Variants in SLC9A8 observed in about 807,000 individuals in gnomAD.
The protein encoded by SLC9A8 is solute carrier family 9 member A8.
A neutral mutation model predicts 66.6 loss-of-function variants in SLC9A8; 48 were observed. The observed-to-expected ratio is 0.72, with a 90% confidence interval of 0.57 to 0.92. The LOEUF (loss-of-function observed/expected upper bound fraction) is 0.92. Among genes scored for constraint, SLC9A8 ranks in the 40% least tolerant of loss-of-function variants. The pLI is 0.00. For synonymous variants in SLC9A8, 274 were observed against 282.6 expected (o/e 0.97, Z 0.31); for missense variants, 599 against 747.3 (o/e 0.80, Z 2.31).
intron 3 of SLC9A8, among the ~76,000 whole-genome samples, chr20:49,827,109 T>G (rs1385669941): frequency 6.6e-6 from 1 of 151,638 alleles, no homozygotes; most frequent in Non-Finnish European, 1.5e-5. Flanking sequence ...GCCTGGCTAA[T>G]TTTTGTATTT....
At chr20:49,817,024 A>AGCCAAGTCCAAATTCTTGTTTG (rs2086574510) in intron 2 of SLC9A8, among the ~76,000 whole-genome samples, 2 of 144,426 alleles carry the variant, frequency 1.4e-5, no homozygotes, top group South Asian at 5.2e-4. Context: ...CACCACGCCC[A>AGCCAAGTCCAAATTCTTGTTTG]GCCAAGTCCA....
chr20:49,878,164 AACAGCTACATAGAC>A, intron 12 of SLC9A8, 101 bp downstream of exon 12: 1 of 649,030 alleles, frequency 1.5e-6, no homozygotes, highest in Non-Finnish European at 2.5e-6. Context: ...GTTCAAAGTC[AACAGCTACATAGAC>A]ACTCTTTTGT....
At chr20:49,871,993 C>A (rs2089227292) in intron 10 of SLC9A8, among the ~76,000 whole-genome samples, 1 of 152,214 alleles carries the variant, frequency 6.6e-6, no homozygotes, top group Non-Finnish European at 1.5e-5. Flanking sequence ...CGAGACTGCG[C>A]CTCTAATCCC....
rs572356810 is a variant in SLC9A8 at position 49,839,571 on chromosome 20, T to C, written c.320T>C (p.Ile107Thr). 2.5e-5 allele frequency: 40 copies of C among 1,601,012 alleles called. No homozygotes were observed. Among genetic ancestry groups the C allele is most frequent in the Admixed American group, 2.3e-4 (14 of 59,824 alleles). Residue 107 changes from isoleucine (I) to threonine (T), a missense_variant, in exon 4 of 16, where the codon ATA becomes ACA. By Grantham distance (89) the Ile-to-Thr change is moderately conservative. This residue lies in a region of SLC9A8 where 467 missense variants were observed against 626.5 expected (regional missense o/e 0.75). Coordinates refer to ENST00000361573, the MANE Select transcript of SLC9A8 (RefSeq NM_015266.3). ...GILMGAVIKI[I>T]EFKKLANWKE... ...CTCATGGGAGCAGTTATAAAAATTATAGAGTTTAAAAAACTGGCGAATTGG... is the reference window on the plus strand; with the variant it reads ...CTCATGGGAGCAGTTATAAAAATTACAGAGTTTAAAAAACTGGCGAATTGG...
chr20:49,886,185 C>G lies in SLC9A8; in HGVS notation c.1492-567C>G, dbSNP rs1322766864. Among the ~76,000 whole-genome samples the G allele has an allele frequency of 6.6e-6, 1 of 151,934 alleles. No homozygotes were observed. Among genetic ancestry groups the G allele is most frequent in the African/African-American group, 2.4e-5 (1 of 41,366 alleles). On this transcript the variant is annotated intron_variant, in intron 14 of 15. Coordinates refer to ENST00000361573, the MANE Select transcript of SLC9A8 (RefSeq NM_015266.3). This position sits in a 1 kb window ranked among gnomAD's most constrained non-coding sequence, Gnocchi z 4.8. ...ACTGAGACTCCTCCAGCAGAGCAGG[C>G]GCTGCACTCAGAGCCTGTCTGCTTT...
intron 14 of SLC9A8, among the ~76,000 whole-genome samples, chr20:49,884,488 C>T (rs1032810512): frequency 1.3e-5 from 2 of 152,054 alleles, no homozygotes; most frequent in African/African-American, 2.4e-5. Context: ...CTCCATGGGG[C>T]ACCACAGGAG....
At chr20:49,842,791 T>C (rs1001187084) in intron 4 of SLC9A8, among the ~76,000 whole-genome samples, 1 of 152,232 alleles carries the variant, frequency 6.6e-6, no homozygotes, top group Non-Finnish European at 1.5e-5. Flanking sequence ...AGATTTGTTT[T>C]CTCACAATTC....
At chr20:49,839,317 A>C (rs865811856) in intron 3 of SLC9A8, among the ~76,000 whole-genome samples, 8 of 152,074 alleles carry the variant, frequency 5.3e-5, no homozygotes, top group African/African-American at 1.4e-4. Flanking sequence ...TTCCTCCCCC[A>C]CAGCCTGACT....
At chr20:49,883,490 T>A (rs1244743146) in intron 13 of SLC9A8, among the ~76,000 whole-genome samples, 1 of 152,170 alleles carries the variant, frequency 6.6e-6, no homozygotes, top group Non-Finnish European at 1.5e-5. Context: ...ACTGAGCACC[T>A]GCCCAGGCCT....
chr20:49,865,099 A>G (rs2088906249), intron 10 of SLC9A8, among the ~76,000 whole-genome samples: 1 of 152,212 alleles, frequency 6.6e-6, no homozygotes, highest in Non-Finnish European at 1.5e-5. Flanking sequence ...TTAGCCCATC[A>G]GTCCTGTGAG....
rs777775892 is a variant in SLC9A8 at position 49,880,931 on chromosome 20, T to C, written c.1166T>C (p.Val389Ala). Residue 389 changes from valine to alanine, a missense_variant, in exon 13 of 16, where the codon GTA (valine) becomes GCA (alanine). Around this residue, in one of 2 missense-constraint regions of SLC9A8, gnomAD observed 467 missense variants for 626.5 expected, o/e 0.75. Coordinates refer to ENST00000361573, the MANE Select transcript of SLC9A8 (RefSeq NM_015266.3). Reference sequence around the variant, plus strand: ...GTTTGTTGCTATCAACAGGTGCTTGTACTATTTGGCAGAGCGGTAAACATT... The same window carrying C: ...GTTTGTTGCTATCAACAGGTGCTTGCACTATTTGGCAGAGCGGTAAACATT... ...ISFVIWCIVL[V>A]LFGRAVNIFP... 2.5e-6 allele frequency: 4 copies of C among 1,610,914 alleles called. No individual in the cohort carries two copies. Among genetic ancestry groups the C allele is most frequent in the Non-Finnish European group, 3.4e-6 (4 of 1,177,088 alleles).
intron 6 of SLC9A8, among the ~76,000 whole-genome samples, chr20:49,850,395 A>G (rs985446369): frequency 1.3e-5 from 2 of 152,234 alleles, no homozygotes; most frequent in Non-Finnish European, 2.9e-5. Context: ...AGGGTCAGGT[A>G]TCTGAGTGAC....
Position 49,887,939 on chromosome 20 carries a change from C to T in SLC9A8, c.*3C>T. 6.2e-7 allele frequency: 1 copy of T among 1,611,668 alleles called. No homozygotes were observed. The highest frequency in any genetic ancestry group is 8.5e-7 in the Non-Finnish European group (1 of 1,178,158). On this transcript the variant is annotated 3_prime_UTR_variant, in exon 16 of 16. Transcript: ENST00000361573. ...ACGACGAGCAGGAGCTGCTCTGACG[C>T]CAGGTGCCAAGGCTTCAGGCAGGCA...
intron 2 of SLC9A8, 21 bp downstream of exon 2, chr20:49,815,210 C>A: frequency 6.7e-7 from 1 of 1,496,300 alleles, no homozygotes; most frequent in African/African-American, 1.4e-5. Flanking sequence ...ACACTGTCAT[C>A]CCCATCATCT....
intron 4 of SLC9A8, among the ~76,000 whole-genome samples, chr20:49,840,188 T>G (rs1266870384): frequency 6.6e-6 from 1 of 152,138 alleles, no homozygotes; most frequent in Non-Finnish European, 1.5e-5. Context: ...GAATATGCAG[T>G]GTTTTCTCCA....
At chr20:49,816,723 A>G (rs1334822709) in intron 2 of SLC9A8, among the ~76,000 whole-genome samples, 1 of 151,954 alleles carries the variant, frequency 6.6e-6, no homozygotes, top group Admixed American at 6.6e-5. Flanking sequence ...GTTTGACCCA[A>G]GTTCAAATTC....
intron 8 of SLC9A8, among the ~76,000 whole-genome samples, chr20:49,860,837 G>T (rs1299948733): frequency 6.6e-6 from 1 of 152,206 alleles, no homozygotes; most frequent in Non-Finnish European, 1.5e-5. Context: ...GGTATTGACT[G>T]TCTTTTGTGT....
intron 11 of SLC9A8, among the ~76,000 whole-genome samples, chr20:49,876,034 C>T (rs1055762632): frequency 1.3e-5 from 2 of 152,098 alleles, no homozygotes; most frequent in East Asian, 1.9e-4. Flanking sequence ...CCACCGCACC[C>T]GGCCACTTGT....
rs867374600 is a variant in SLC9A8 at position 49,883,935 on chromosome 20, G to A, written c.1360G>A (p.Val454Ile). ...GCAGCTCATCGGCACCACCACCATC[G>A]TCATCGTGCTCTTCACCATCCTGCT... is the stretch of plus-strand genomic sequence containing the variant. ...KRQLIGTTTI[V>I]IVLFTILLLG... The change falls in exon 14 of 16, where the codon GTC becomes ATC. Residue 454 changes from valine to isoleucine, a missense_variant. This residue lies in a region of SLC9A8 where 467 missense variants were observed against 626.5 expected (regional missense o/e 0.75). Transcript: ENST00000361573. 6 of 1,612,496 alleles carry A rather than the reference G, an allele frequency of 3.7e-6. No individual in the cohort carries two copies. The highest frequency in any genetic ancestry group is 1.7e-5 in the Admixed American group (1 of 60,016).
Sources: gnomAD v4.1 joint callset for allele counts (sites outside exome capture counted in the v4.1 genomes callset) on GRCh38, gnomAD v4.1.1 for gene constraint, gnomAD v4.1.1 regional missense constraint, Gnocchi (gnomAD v3.1) non-coding constraint, MANE v1.5 for transcripts, NCBI Gene and HGNC (gene_info 2026-07-23, HGNC 2026-07-21) for gene names.